Variants in DPP6 observed in about 807,000 individuals in gnomAD.
DPP6 encodes dipeptidyl peptidase like 6.
A neutral mutation model predicts 122.6 loss-of-function variants in DPP6; 69 were observed. The observed-to-expected ratio is 0.56, with a 90% confidence interval of 0.46 to 0.69. The LOEUF (loss-of-function observed/expected upper bound fraction) is 0.69. DPP6 is among the 30% of genes least tolerant of loss of function. The pLI is 0.00. For synonymous variants in DPP6, 418 were observed against 433.1 expected, an observed-to-expected ratio of 0.97 and a Z score of 0.43; for missense variants, 928 against 1,116.9, an observed-to-expected ratio of 0.83 and a Z score of 2.41.
At chr7:153,756,371 A>G in the DPP6 span, among the ~76,000 whole-genome samples, 4 of 151,632 alleles carry the variant, frequency 2.6e-5, no homozygotes, top group Admixed American at 6.6e-5. Context: ...AACAAAACGC[A>G]GTTAATGAGA....
At chr7:154,689,859 C>T (rs1839839075) in intron 7 of DPP6, among the ~76,000 whole-genome samples, 1 of 152,204 alleles carries the variant, frequency 6.6e-6, no homozygotes, top group African/African-American at 2.4e-5. Flanking sequence ...TTCCTTTCTT[C>T]TCCTGCATTA....
chr7:154,299,023 C>G (rs559216414), intron 1 of DPP6, among the ~76,000 whole-genome samples: 1 of 152,320 alleles, frequency 6.6e-6, no homozygotes, highest in South Asian at 2.1e-4. Context: ...TTACTGGACA[C>G]AGGAGAAATG....
intron 1 of DPP6, among the ~76,000 whole-genome samples, chr7:154,341,800 G>T (rs1809957752): frequency 6.6e-6 from 1 of 151,556 alleles, no homozygotes; most frequent in Non-Finnish European, 1.5e-5. Context: ...ATGGCTGTCT[G>T]TTCCTTGGTT....
chr7:154,231,048 C>T (rs184487084), intron 1 of DPP6, among the ~76,000 whole-genome samples: 5 of 152,274 alleles, frequency 3.3e-5, no homozygotes, highest in Non-Finnish European at 4.4e-5. Context: ...AATTTGAATG[C>T]TGCATCTAGT....
At chr7:154,772,354 C>G (rs1796298425) in intron 9 of DPP6, among the ~76,000 whole-genome samples, 1 of 152,254 alleles carries the variant, frequency 6.6e-6, no homozygotes, top group East Asian at 1.9e-4. Flanking sequence ...AGCCCCACAT[C>G]TCTCCCCAGA....
At chr7:154,361,137 A>G (rs143568773) in intron 1 of DPP6, among the ~76,000 whole-genome samples, 10 of 152,224 alleles carry the variant, frequency 6.6e-5, no homozygotes, top group Non-Finnish European at 1.3e-4. Flanking sequence ...GAGATTCTGT[A>G]TAATAAGATG....
chr7:154,870,480 C>G (rs760970574), intron 18 of DPP6, among the ~76,000 whole-genome samples: 4 of 151,962 alleles, frequency 2.6e-5, no homozygotes, highest in Non-Finnish European at 5.9e-5. Flanking sequence ...ATGGCATGTG[C>G]CTGTAGTCCC....
chr7:154,464,280 C>T (rs1157604124), intron 2 of DPP6, among the ~76,000 whole-genome samples: 1 of 152,206 alleles, frequency 6.6e-6, no homozygotes, highest in Admixed American at 6.5e-5. Context: ...ACTGCATTCT[C>T]CCTGCCCCAA....
the DPP6 span, among the ~76,000 whole-genome samples, chr7:153,764,407 G>A: frequency 2.7e-5 from 4 of 150,688 alleles, no homozygotes; most frequent in African/African-American, 4.9e-5. Context: ...TGCACTCGCC[G>A]GTCCTCCCTG....
At chr7:154,063,499 C>A (rs1264395077) in intron 1 of DPP6, among the ~76,000 whole-genome samples, 3 of 130,308 alleles carry the variant, frequency 2.3e-5, no homozygotes, top group African/African-American at 5.5e-5. Context: ...CCCCCCCTGG[C>A]TCTTAAGACC....
intron 1 of DPP6, among the ~76,000 whole-genome samples, chr7:154,411,791 C>T (rs1491838): frequency 0.55 from 83,197 of 152,038 alleles, 26,251 homozygotes; most frequent in Non-Finnish European, 0.69. Flanking sequence ...AATCTGCATT[C>T]GAGTAATTTT....
intron 1 of DPP6, among the ~76,000 whole-genome samples, chr7:153,947,819 C>T (rs953203769): frequency 1.3e-5 from 2 of 152,122 alleles, no homozygotes; most frequent in African/African-American, 2.4e-5. Flanking sequence ...TGGAGGGTGC[C>T]GCTCACAGGT....
At chr7:154,349,422 T>C (rs921254176) in intron 1 of DPP6, among the ~76,000 whole-genome samples, 8 of 152,226 alleles carry the variant, frequency 5.3e-5, no homozygotes, top group Admixed American at 5.2e-4. Context: ...GTGATCCACC[T>C]GCCTTGGCCT....
the DPP6 span, among the ~76,000 whole-genome samples, chr7:153,881,637 C>A: frequency 1.3e-5 from 2 of 152,082 alleles, no homozygotes; most frequent in Non-Finnish European, 2.9e-5. Context: ...GCCTTGGCTG[C>A]GACATTCCTG....
chr7:154,610,175 G>A (rs1229620127), intron 5 of DPP6, among the ~76,000 whole-genome samples: 1 of 152,218 alleles, frequency 6.6e-6, no homozygotes, highest in African/African-American at 2.4e-5. Context: ...CAACTGAAGA[G>A]AGAAGACGTC....
intron 1 of DPP6, among the ~76,000 whole-genome samples, chr7:154,435,343 C>T (rs539369412): frequency 4.6e-5 from 7 of 152,216 alleles, no homozygotes; most frequent in African/African-American, 1.4e-4. Flanking sequence ...GAGTTGCTGC[C>T]ACACGCTGCA....
At chr7:154,806,133 CAT>C (rs920184453) in intron 15 of DPP6, among the ~76,000 whole-genome samples, 1 of 152,218 alleles carries the variant, frequency 6.6e-6, no homozygotes, top group African/African-American at 2.4e-5. Context: ...TTGAAATACA[CAT>C]GTCACCAATT....
At chr7:153,835,042 C>T in the DPP6 span, among the ~76,000 whole-genome samples, 40 of 152,160 alleles carry the variant, frequency 2.6e-4, no homozygotes, top group Non-Finnish European at 1.5e-5. Context: ...CATGTAGGTG[C>T]CCCCTCATTC....
intron 1 of DPP6, among the ~76,000 whole-genome samples, chr7:154,194,678 C>T (rs756651619): frequency 6.6e-6 from 1 of 152,164 alleles, no homozygotes; most frequent in South Asian, 2.1e-4. Flanking sequence ...TTCCAATAGG[C>T]GTATAGCAAT....
Sources: gnomAD v4.1 joint callset for allele counts (sites outside exome capture counted in the v4.1 genomes callset) on GRCh38, gnomAD v4.1.1 for gene constraint, MANE v1.5 for transcripts, NCBI Gene and HGNC (gene_info 2026-07-23, HGNC 2026-07-21) for gene names.